The following CACNA1B variants were observed in gnomAD, a reference collection of about 807,000 sequenced individuals.
The protein encoded by CACNA1B is calcium voltage-gated channel subunit alpha1 B, also known as voltage-dependent N-type calcium channel subunit alpha-1B.
Under a neutral mutation model 247.2 loss-of-function variants are expected in CACNA1B, and 70 were observed. That is an observed-to-expected ratio of 0.28 (90% CI 0.23 to 0.35). The LOEUF (loss-of-function observed/expected upper bound fraction) is 0.35. Among genes scored for constraint, CACNA1B ranks in the 10% least tolerant of loss-of-function variants. The pLI is 1.00. For synonymous variants in CACNA1B, 1,231 were observed against 1,294.4 expected (o/e 0.95, Z 1.05); for missense variants, 2,367 against 3,197.4 (o/e 0.74, Z 6.26).
rs1959211899 is a variant in CACNA1B at position 138,049,334 on chromosome 9, G to C, written c.3710+19G>C. Reference sequence around the variant, plus strand: ...CTTTCTCGTAAGTAACGTTCGCTCTGCTCTGGCTAGGGAGAGCCCCCAGAA... The same window carrying C: ...CTTTCTCGTAAGTAACGTTCGCTCTCCTCTGGCTAGGGAGAGCCCCCAGAA... On this transcript the variant is annotated intron_variant, in intron 24 of 46. Coordinates refer to ENST00000371372, the MANE Select transcript of CACNA1B (RefSeq NM_000718.4). The C allele has an allele frequency of 6.9e-7, 1 of 1,456,590 alleles. No individual in the cohort carries two copies. Among genetic ancestry groups the C allele is most frequent in the Non-Finnish European group, 9.6e-7 (1 of 1,036,346 alleles). 90.2% of individuals were successfully genotyped at this position (1,456,590 alleles called of 1,614,324 possible). A position where few individuals can be genotyped will look rare whatever the true frequency, so the allele number is the denominator to read the frequency against.
chr9:138,017,079 C>T (rs1958802270), intron 18 of CACNA1B: 1 of 509,530 alleles, frequency 2.0e-6, no homozygotes, highest in Non-Finnish European at 3.9e-6. Flanking sequence ...GTCACTGGTT[C>T]TCTCAGAACT....
chr9:138,048,912 T>A (rs570446822), intron 23 of CACNA1B, among the ~76,000 whole-genome samples: 59 of 152,348 alleles, frequency 3.9e-4, no homozygotes, highest in South Asian at 2.7e-3. Flanking sequence ...GAGATGGGGT[T>A]TCACCTTGTT....
chr9:137,989,222 A>G (rs1958402966), intron 15 of CACNA1B, among the ~76,000 whole-genome samples: 1 of 152,242 alleles, frequency 6.6e-6, no homozygotes, highest in Non-Finnish European at 1.5e-5. Context: ...ACCTAAGAAC[A>G]AAGAAAAGAC....
At chr9:137,987,784 A>G (rs1388045458) in intron 15 of CACNA1B, among the ~76,000 whole-genome samples, 1 of 152,112 alleles carries the variant, frequency 6.6e-6, no homozygotes, top group African/African-American at 2.4e-5. Flanking sequence ...CCTAATTTGC[A>G]CCACAGTCCT....
intron 10 of CACNA1B, among the ~76,000 whole-genome samples, chr9:137,960,775 A>G (rs1002119674): frequency 6.6e-5 from 10 of 152,086 alleles, no homozygotes; most frequent in South Asian, 2.1e-4. Flanking sequence ...GGTGGTTTGC[A>G]GAGGGGTGAC....
Position 137,889,318 on chromosome 9 carries a change from G to C in CACNA1B, c.530+6435G>C, listed in dbSNP as rs1289580579. Among the ~76,000 whole-genome samples, 2 of 150,200 alleles carry C rather than the reference G, an allele frequency of 1.3e-5. 1 individual carries two copies. Among genetic ancestry groups the C allele is most frequent in the African/African-American group, 4.8e-5 (2 of 41,344 alleles). On this transcript the variant is annotated intron_variant, in intron 3 of 46. Transcript: ENST00000371372. ...CGACCTCCAGTGCCGGGTCGGGCTG[G>C]GGTTTGCCAGACATTCTCTCCCTTT...
chr9:137,896,541 A>C (rs1957175373), intron 3 of CACNA1B, among the ~76,000 whole-genome samples: 1 of 152,152 alleles, frequency 6.6e-6, no homozygotes, highest in African/African-American at 2.4e-5. Flanking sequence ...TATCTTGTTA[A>C]GGATTTTTAC....
Position 138,050,202 on chromosome 9 carries a change from G to A in CACNA1B, c.3710+887G>A, listed in dbSNP as rs1589096037. 4 of 760,486 alleles carry A rather than the reference G, an allele frequency of 5.3e-6. No homozygotes were observed. The East Asian group carries it at 2.6e-4, about 49-fold the overall frequency. The allele number at this position is 760,486 out of a possible 1,614,324, so 47.1% of individuals were successfully genotyped here. A position where few individuals can be genotyped will look rare whatever the true frequency, so the allele number is the denominator to read the frequency against. ...GCCCATCCACTTTCACCCCATCGGG[G>A]CTGCATGCTGCCGGGAGCCAAGTCC... On this transcript the variant is annotated intron_variant, in intron 24 of 46. Transcript: ENST00000371372. This position sits in a 1 kb window ranked among gnomAD's most constrained non-coding sequence, Gnocchi z 5.2.
intron 3 of CACNA1B, among the ~76,000 whole-genome samples, chr9:137,901,937 C>T (rs560821209): frequency 3.3e-5 from 5 of 151,952 alleles, no homozygotes; most frequent in East Asian, 3.9e-4. Context: ...GTGATCCACC[C>T]GCCTCGACCT....
Position 138,043,869 on chromosome 9 carries a change from A to G in CACNA1B, c.3382A>G (p.Ser1128Gly), listed in dbSNP as rs770973059. The change falls in exon 21 of 47, where the codon AGC becomes GGC. Residue 1128 changes from serine to glycine, a missense_variant. Coordinates refer to ENST00000371372, the MANE Select transcript of CACNA1B (RefSeq NM_000718.4). ...CGGCCCCCGGCCTATCGTCCCATAC[A>G]GCTCCATGTTCTGTTTAAGCCCCAC... ...RSGPRPIVPYSSMFCLSPTNL... is the reference protein window; with the variant it reads ...RSGPRPIVPYGSMFCLSPTNL... The G allele has an allele frequency of 1.9e-6, 3 of 1,614,012 alleles. No homozygotes were observed. Among genetic ancestry groups the G allele is most frequent in the South Asian group, 2.2e-5 (2 of 91,090 alleles).
intron 10 of CACNA1B, among the ~76,000 whole-genome samples, chr9:137,965,819 A>G (rs1201683110): frequency 3.9e-5 from 6 of 152,112 alleles, no homozygotes; most frequent in Non-Finnish European, 8.8e-5. Flanking sequence ...CTCTGACCTC[A>G]TGATCCGCCC....
intron 15 of CACNA1B, among the ~76,000 whole-genome samples, chr9:137,993,456 A>T (rs1399433871): frequency 6.6e-6 from 1 of 152,162 alleles, no homozygotes; most frequent in Non-Finnish European, 1.5e-5. Flanking sequence ...GAGATTAACC[A>T]ATAAAATAAG....
intron 38 of CACNA1B, among the ~76,000 whole-genome samples, chr9:138,104,540 T>TGGGG (rs1338307820): frequency 6.6e-6 from 1 of 152,192 alleles, no homozygotes; most frequent in African/African-American, 2.4e-5. Flanking sequence ...ACGTGGCAAG[T>TGGGG]GGGGCTTTGC....
In CACNA1B at chr9:138,072,425, C is replaced by G. The variant is rs1430159852; in HGVS notation, c.4675-1063C>G. On this transcript the variant is annotated intron_variant, in intron 32 of 46. Coordinates refer to ENST00000371372, the MANE Select transcript of CACNA1B (RefSeq NM_000718.4). This position sits in a 1 kb window ranked among gnomAD's most constrained non-coding sequence, Gnocchi z 4.5. ...GGATGCTCTGCCAGGCCCTCACCGC[C>G]TCTGCGCCTGCACGTGCTCCTGCTG... Among the ~76,000 whole-genome samples, 1 of 152,264 alleles carries G rather than the reference C, an allele frequency of 6.6e-6. No homozygotes were observed. Among genetic ancestry groups the G allele is most frequent in the Non-Finnish European group, 1.5e-5 (1 of 68,048 alleles).
At chr9:137,903,504 T>G (rs977881547) in intron 3 of CACNA1B, among the ~76,000 whole-genome samples, 2 of 152,178 alleles carry the variant, frequency 1.3e-5, no homozygotes, top group African/African-American at 4.8e-5. Context: ...GAGGAGGGGT[T>G]TAATGTCTCA....
At chr9:138,042,609 AT>A (rs1362273757) in intron 20 of CACNA1B, among the ~76,000 whole-genome samples, 1 of 152,158 alleles carries the variant, frequency 6.6e-6, no homozygotes, top group African/African-American at 2.4e-5. Flanking sequence ...AGATTACATA[AT>A]TTTTGTTTTC....
chr9:137,878,209 C>T lies in CACNA1B; in HGVS notation c.276C>T (p.Thr92=). The T allele has an allele frequency of 8.2e-7, 1 of 1,219,874 alleles. No individual in the cohort carries two copies. The highest frequency in any genetic ancestry group is 1.0e-6 in the Non-Finnish European group (1 of 963,620). 75.6% of individuals were successfully genotyped at this position (1,219,874 alleles called of 1,614,324 possible). Residue 92 remains threonine (T), a synonymous_variant, in exon 1 of 47, where the codon ACC becomes ACT. Transcript: ENST00000371372. The part of the protein sequence containing the change: ...NVVRKYAKRI[T]EWPPFEYMIL... ...TCCGCAAATACGCGAAGCGCATCAC[C>T]GAGTGGCCATATCCTGCCGGGCGGG...
rs575224657 is a variant in CACNA1B at position 138,052,906 on chromosome 9, C to T, written c.3807+718C>T. ...GTGTGCCAGGCTGCTTTGTGGGAGA[C>T]GGTTGTGGCCCCACCTTCCCGTCAC... On this transcript the variant is annotated intron_variant, in intron 25 of 46. Transcript: ENST00000371372. This position sits in a 1 kb window ranked among gnomAD's most constrained non-coding sequence, Gnocchi z 5.1. Among the ~76,000 whole-genome samples the T allele has an allele frequency of 5.9e-5, 9 of 152,298 alleles. No homozygotes were observed. Among genetic ancestry groups the T allele is most frequent in the East Asian group, 1.9e-4 (1 of 5,162 alleles).
intron 3 of CACNA1B, among the ~76,000 whole-genome samples, chr9:137,904,440 C>T (rs1215621505): frequency 7.0e-6 from 1 of 143,584 alleles, no homozygotes; most frequent in East Asian, 2.1e-4. Flanking sequence ...GATCATGGCT[C>T]ACTGCAGCCT....
Sources: gnomAD v4.1 joint callset for allele counts (sites outside exome capture counted in the v4.1 genomes callset) on GRCh38, gnomAD v4.1.1 for gene constraint, Gnocchi (gnomAD v3.1) non-coding constraint, MANE v1.5 for transcripts, NCBI Gene and HGNC (gene_info 2026-07-23, HGNC 2026-07-21) for gene names.